The following FHIT variants were observed in gnomAD, a reference collection of about 807,000 sequenced individuals.
FHIT encodes fragile histidine triad diadenosine triphosphatase, also known as bis(5'-adenosyl)-triphosphatase.
FHIT carries 19 observed loss-of-function variants against 17.9 expected under a neutral mutation model. The observed-to-expected ratio is 1.06, with a 90% CI of 0.74 to 1.56. FHIT has a LOEUF of 1.56. FHIT is among the 40% of genes most tolerant of loss of function. The pLI is 0.00. For missense variants in FHIT, 248 were observed against 189.2 expected (o/e 1.31, Z -1.82); for synonymous variants, 81 against 69.7 (o/e 1.16, Z -0.81).
At chr3:60,105,158 A>G (rs1427178594) in intron 5 of FHIT, among the ~76,000 whole-genome samples, 1 of 151,848 alleles carries the variant, frequency 6.6e-6, no homozygotes, top group East Asian at 1.9e-4. Context: ...TGGATACAAA[A>G]CTCTCCAGGA....
At chr3:60,429,848 G>A (rs1369696653) in intron 5 of FHIT, among the ~76,000 whole-genome samples, 2 of 152,060 alleles carry the variant, frequency 1.3e-5, no homozygotes, top group Non-Finnish European at 2.9e-5. Flanking sequence ...GGCTAAGTGA[G>A]GAGGTGGAAG....
chr3:60,872,487 ATTC>A (rs1231697952), intron 3 of FHIT, among the ~76,000 whole-genome samples: 1 of 151,662 alleles, frequency 6.6e-6, no homozygotes, highest in East Asian at 1.9e-4. Flanking sequence ...CTTCTCTTTA[ATTC>A]TTCTACCCAG....
chr3:61,130,683 C>A (rs531261605), intron 2 of FHIT, among the ~76,000 whole-genome samples: 1 of 152,170 alleles, frequency 6.6e-6, no homozygotes, highest in Non-Finnish European at 1.5e-5. Flanking sequence ...ACTCAATACA[C>A]AAGAGCTAAA....
intron 5 of FHIT, among the ~76,000 whole-genome samples, chr3:60,117,493 C>CA (rs1559647293): frequency 4.0e-5 from 3 of 75,174 alleles, no homozygotes; most frequent in African/African-American, 1.6e-4. Flanking sequence ...TACTTCCTAT[C>CA]TAAAAAAAAA....
At chr3:60,355,137 A>T (rs1699590689) in intron 5 of FHIT, among the ~76,000 whole-genome samples, 1 of 152,334 alleles carries the variant, frequency 6.6e-6, no homozygotes, top group East Asian at 1.9e-4. Context: ...CATACACAGA[A>T]TAAATGTTTT....
chr3:60,204,168 G>A (rs1038834154), intron 5 of FHIT, among the ~76,000 whole-genome samples: 2 of 152,164 alleles, frequency 1.3e-5, no homozygotes. Flanking sequence ...TTGCATGCCT[G>A]TATCAAAATA....
intron 4 of FHIT, among the ~76,000 whole-genome samples, chr3:60,701,822 T>C (rs1194079910): frequency 6.6e-6 from 1 of 152,184 alleles, no homozygotes; most frequent in African/African-American, 2.4e-5. Context: ...GGGTTTGTTT[T>C]GGGAAAGGGC....
chr3:60,304,654 A>C (rs143921737), intron 5 of FHIT, among the ~76,000 whole-genome samples: 5 of 152,250 alleles, frequency 3.3e-5, no homozygotes, highest in South Asian at 2.1e-4. Flanking sequence ...GTTTTAGTAT[A>C]TGTGCCATAT....
At chr3:59,959,182 T>C (rs140107419) in intron 7 of FHIT, among the ~76,000 whole-genome samples, 16 of 152,296 alleles carry the variant, frequency 1.1e-4, no homozygotes, top group African/African-American at 4.8e-5. Flanking sequence ...TCTGTGTGTA[T>C]AGGGAGAGTG....
At chr3:60,485,701 G>A (rs1223821763) in intron 5 of FHIT, among the ~76,000 whole-genome samples, 2 of 152,048 alleles carry the variant, frequency 1.3e-5, no homozygotes. Context: ...AATAGGTGCA[G>A]CAAACCACCA....
At chr3:60,172,078 A>C (rs568849093) in intron 5 of FHIT, among the ~76,000 whole-genome samples, 1 of 152,316 alleles carries the variant, frequency 6.6e-6, no homozygotes, top group Non-Finnish European at 1.5e-5. Context: ...AGTAGGGGAG[A>C]CAGGTATTAT....
chr3:59,898,442 T>TTG (rs3075168), intron 8 of FHIT, among the ~76,000 whole-genome samples: 10,737 of 145,874 alleles, frequency 0.074, 371 homozygotes, highest in Non-Finnish European at 0.081. Context: ...GTGTGTATGT[T>TTG]TGTGTGTGTG....
chr3:60,589,885 C>T (rs1208774364), intron 4 of FHIT, among the ~76,000 whole-genome samples: 1 of 151,910 alleles, frequency 6.6e-6, no homozygotes, highest in Non-Finnish European at 1.5e-5. Flanking sequence ...AATACATTGG[C>T]ATTCTAATTT....
At chr3:59,864,292 C>T (rs1007618464) in intron 8 of FHIT, among the ~76,000 whole-genome samples, 3 of 151,986 alleles carry the variant, frequency 2.0e-5, no homozygotes, top group Admixed American at 6.6e-5. Flanking sequence ...GCTATTCTTT[C>T]GATAGTGAAG....
At chr3:60,432,834 T>G (rs929185694) in intron 5 of FHIT, among the ~76,000 whole-genome samples, 17 of 152,128 alleles carry the variant, frequency 1.1e-4, no homozygotes, top group African/African-American at 3.9e-4. Context: ...TTATATTTGA[T>G]TATGGTTTTT....
chr3:60,163,088 G>A (rs189044549), intron 5 of FHIT, among the ~76,000 whole-genome samples: 324 of 152,216 alleles, frequency 2.1e-3, no homozygotes, highest in African/African-American at 7.4e-3. Context: ...AGACATGAGG[G>A]GAAGTTCTGC....
intron 7 of FHIT, among the ~76,000 whole-genome samples, chr3:59,967,317 T>C (rs1707972563): frequency 6.6e-6 from 1 of 152,170 alleles, no homozygotes. Context: ...GGGTACAAAC[T>C]AGTAACATAG....
intron 5 of FHIT, among the ~76,000 whole-genome samples, chr3:60,282,400 T>G (rs569787221): frequency 6.6e-6 from 1 of 152,206 alleles, no homozygotes; most frequent in African/African-American, 2.4e-5. Flanking sequence ...AAGGGAAAAC[T>G]ATAGAGGCAA....
At chr3:60,345,913 C>T (rs1710752848) in intron 5 of FHIT, among the ~76,000 whole-genome samples, 1 of 152,200 alleles carries the variant, frequency 6.6e-6, no homozygotes, top group African/African-American at 2.4e-5. Context: ...GCTAACATTT[C>T]TTACTTGAAG....
Sources: gnomAD v4.1 joint callset for allele counts (sites outside exome capture counted in the v4.1 genomes callset) on GRCh38, gnomAD v4.1.1 for gene constraint, MANE v1.5 for transcripts, NCBI Gene and HGNC (gene_info 2026-07-23, HGNC 2026-07-21) for gene names.